The following FGGY variants were observed in gnomAD, a reference collection of about 807,000 sequenced individuals.
The protein encoded by FGGY is FGGY carbohydrate kinase domain-containing protein.
A neutral mutation model predicts 71.3 loss-of-function variants in FGGY; 72 were observed. That is an observed-to-expected ratio of 1.01 (90% CI 0.84 to 1.23). FGGY has a LOEUF of 1.23. FGGY is among the 50% of genes most tolerant of loss of function. The probability of loss-of-function intolerance (pLI) is 0.00; values close to 1 mark genes in which losing one functional copy is unlikely to be tolerated. For missense variants in FGGY, 668 were observed against 682.3 expected, an observed-to-expected ratio of 0.98 and a Z score of 0.23; for synonymous variants, 251 against 250.3, an observed-to-expected ratio of 1.00 and a Z score of -0.02.
intron 6 of FGGY, among the ~76,000 whole-genome samples, chr1:59,462,290 C>G (rs922112744): frequency 2.0e-5 from 3 of 152,130 alleles, no homozygotes; most frequent in African/African-American, 7.2e-5. Flanking sequence ...TTCCTTACAC[C>G]TTATACAAAA....
chr1:59,342,740 G>A (rs1186538117), intron 3 of FGGY, among the ~76,000 whole-genome samples: 1 of 152,090 alleles, frequency 6.6e-6, no homozygotes, highest in East Asian at 1.9e-4. Context: ...GCAGAGAGTG[G>A]GGTCAGGAAG....
chr1:59,511,192 A>T (rs2094509196), intron 6 of FGGY, among the ~76,000 whole-genome samples: 1 of 152,138 alleles, frequency 6.6e-6, no homozygotes, highest in African/African-American at 2.4e-5. Flanking sequence ...CTTTGGTTCC[A>T]TTTAGAGGAG....
chr1:59,435,283 A>G (rs2068187067), intron 5 of FGGY, among the ~76,000 whole-genome samples: 1 of 152,218 alleles, frequency 6.6e-6, no homozygotes, highest in South Asian at 2.1e-4. Context: ...GAATAATAAA[A>G]TGCAACGTGT....
chr1:59,665,892 CCCGATCT>C (rs924226856), intron 12 of FGGY, among the ~76,000 whole-genome samples: 3 of 152,132 alleles, frequency 2.0e-5, no homozygotes, highest in Non-Finnish European at 4.4e-5. Context: ...CCAGGATGGT[CCCGATCT>C]CCTGACCTCA....
At chr1:59,566,620 G>GA (rs999773230) in intron 8 of FGGY, among the ~76,000 whole-genome samples, 218 of 148,644 alleles carry the variant, frequency 1.5e-3, no homozygotes, top group African/African-American at 4.5e-3. Flanking sequence ...ACTGCCAATA[G>GA]AAAAAAAAAA....
intron 4 of FGGY, among the ~76,000 whole-genome samples, chr1:59,362,681 C>G (rs1025689153): frequency 6.6e-6 from 1 of 152,194 alleles, no homozygotes; most frequent in African/African-American, 2.4e-5. Context: ...AAGTAACCCC[C>G]TTACTTACCT....
chr1:59,314,133 T>G (rs1223462358), intron 1 of FGGY, among the ~76,000 whole-genome samples: 1 of 152,076 alleles, frequency 6.6e-6, no homozygotes, highest in Non-Finnish European at 1.5e-5. Flanking sequence ...ACTCGGCTAA[T>G]TTTTTGTATT....
intron 10 of FGGY, among the ~76,000 whole-genome samples, chr1:59,629,224 T>TAAATAAATAAATAAATAAATA (rs142808830): frequency 1.1e-4 from 17 of 151,990 alleles, no homozygotes; most frequent in African/African-American, 4.1e-4. Flanking sequence ...AATGAATAAA[T>TAAATAAATAAATAAATAAATA]AATAAATAAA....
chr1:59,660,614 G>T (rs1348183125), intron 12 of FGGY, among the ~76,000 whole-genome samples: 1 of 152,162 alleles, frequency 6.6e-6, no homozygotes. Flanking sequence ...ATTAAGAAAA[G>T]TTGTTAAGAA....
At chr1:59,617,847 T>C (rs865963229) in intron 9 of FGGY, among the ~76,000 whole-genome samples, 1 of 152,084 alleles carries the variant, frequency 6.6e-6, no homozygotes, top group Non-Finnish European at 1.5e-5. Flanking sequence ...AAGGTCACAA[T>C]GCAACAAGTT....
At chr1:59,605,028 C>T (rs1369616535) in intron 8 of FGGY, among the ~76,000 whole-genome samples, 6 of 152,190 alleles carry the variant, frequency 3.9e-5, no homozygotes, top group African/African-American at 1.4e-4. Flanking sequence ...GAACATTCAC[C>T]ATAGCTCACT....
intron 11 of FGGY, among the ~76,000 whole-genome samples, chr1:59,653,682 C>T (rs2097190901): frequency 6.6e-6 from 1 of 152,224 alleles, no homozygotes; most frequent in Non-Finnish European, 1.5e-5. Context: ...AACCCGGTAC[C>T]TCAGATGGAA....
At chr1:59,700,998 G>A (rs1432046701) in intron 14 of FGGY, among the ~76,000 whole-genome samples, 1 of 152,156 alleles carries the variant, frequency 6.6e-6, no homozygotes, top group African/African-American at 2.4e-5. Context: ...ATACTGTGGG[G>A]CTCCTCTCTC....
chr1:59,400,832 C>T lies in FGGY; in HGVS notation c.554+21995C>T, dbSNP rs151228081. Among the ~76,000 whole-genome samples, 292 of 152,072 alleles carry T rather than the reference C, an allele frequency of 1.9e-3. 3 individuals are homozygous for T. Among genetic ancestry groups the T allele is most frequent in the African/African-American group, 6.0e-3 (247 of 41,504 alleles). On this transcript the variant is annotated intron_variant, in intron 5 of 15. Coordinates refer to ENST00000303721, the MANE Select transcript of FGGY (RefSeq NM_018291.5). ...TGTCACCCAGGCTCAAGTGCAGTGG[C>T]GTGATCATGGCTCACTGCAGCCTTG...
intron 11 of FGGY, among the ~76,000 whole-genome samples, chr1:59,645,162 A>G (rs1246017054): frequency 2.6e-5 from 4 of 152,208 alleles, no homozygotes; most frequent in Admixed American, 6.5e-5. Flanking sequence ...AAGATATACC[A>G]GTGTATGACC....
rs556824664 is a variant in FGGY at position 59,498,345 on chromosome 1, A to G, written c.671-13966A>G. Among the ~76,000 whole-genome samples the G allele has an allele frequency of 8.5e-5, 13 of 152,258 alleles. No homozygotes were observed. In the East Asian group the frequency reaches 2.5e-3, roughly 29 times the overall value. Reference sequence around the variant, plus strand: ...CACATCCAATACATAATGCCTTTAAATGTTCTCATTGTTAACATTTATTTT... The same window carrying G: ...CACATCCAATACATAATGCCTTTAAGTGTTCTCATTGTTAACATTTATTTT... On this transcript the variant is annotated intron_variant, in intron 6 of 15. Transcript: ENST00000303721.
At chr1:59,345,865 G>A (rs1400564734) in intron 3 of FGGY, among the ~76,000 whole-genome samples, 2 of 152,188 alleles carry the variant, frequency 1.3e-5, no homozygotes, top group African/African-American at 4.8e-5. Context: ...ATCTTAGAAA[G>A]TATTGTCTTA....
Position 59,576,971 on chromosome 1 carries a change from A to T in FGGY, c.903+22744A>T, listed in dbSNP as rs536017267. Among the ~76,000 whole-genome samples the T allele has an allele frequency of 2.8e-4, 43 of 152,310 alleles. 3 individuals carry two copies. The South Asian group carries it at 8.5e-3, about 30-fold the overall frequency. On this transcript the variant is annotated intron_variant, in intron 8 of 15. Transcript: ENST00000303721. ...CTAGCACAATGCCTGTAAGTTAGGCATTCACTATCCATTCAATGAATGAAT... is the reference window on the plus strand; with the variant it reads ...CTAGCACAATGCCTGTAAGTTAGGCTTTCACTATCCATTCAATGAATGAAT...
chr1:59,653,438 T>C (rs1207965747), intron 11 of FGGY, among the ~76,000 whole-genome samples: 1 of 152,110 alleles, frequency 6.6e-6, no homozygotes, highest in Admixed American at 6.5e-5. Flanking sequence ...GAGCCAGGTG[T>C]GGGATATAGT....
Sources: gnomAD v4.1 joint callset for allele counts (sites outside exome capture counted in the v4.1 genomes callset) on GRCh38, gnomAD v4.1.1 for gene constraint, MANE v1.5 for transcripts, NCBI Gene and HGNC (gene_info 2026-07-23, HGNC 2026-07-21) for gene names.